AUTS2: variants seen among roughly 807,000 people sequenced by gnomAD.
The protein encoded by AUTS2 is activator of transcription and developmental regulator AUTS2, also known as autism susceptibility gene 2 protein.
In AUTS2, 17 loss-of-function variants were observed where a neutral mutation model predicts 112.4. That is an observed-to-expected ratio of 0.15 (90% CI 0.10 to 0.23). The LOEUF is 0.23. Among genes scored for constraint, AUTS2 ranks in the 10% least tolerant of loss-of-function variants. AUTS2 has a pLI of 1.00. For missense variants in AUTS2, 1,510 were observed against 1,701.6 expected (o/e 0.89, Z 1.98); for synonymous variants, 751 against 702.7 (o/e 1.07, Z -1.09).
chr7:70,725,082 A>G (rs1786948671), intron 6 of AUTS2, among the ~76,000 whole-genome samples: 1 of 152,228 alleles, frequency 6.6e-6, no homozygotes, highest in Admixed American at 6.5e-5. Context: ...CACATTTTAT[A>G]ATTTGTCTGC....
chr7:70,175,089 T>C (rs1034613513), intron 4 of AUTS2, among the ~76,000 whole-genome samples: 4 of 152,170 alleles, frequency 2.6e-5, no homozygotes, highest in African/African-American at 9.7e-5. Context: ...ATTAAGAACA[T>C]TCATGACATA....
At chr7:70,703,490 CAAAAAAA>C (rs57223380) in intron 6 of AUTS2, among the ~76,000 whole-genome samples, 1,365 of 98,614 alleles carry the variant, frequency 0.014, 21 homozygotes, top group African/African-American at 0.052. Flanking sequence ...GACACCATTT[CAAAAAAA>C]AAAAAAAAAA....
At chr7:70,270,164 C>A (rs765337355) in intron 4 of AUTS2, among the ~76,000 whole-genome samples, 139 of 152,260 alleles carry the variant, frequency 9.1e-4, no homozygotes, top group Middle Eastern at 6.8e-3. Context: ...GAAATAAATT[C>A]TTTAAGGTAG....
intron 5 of AUTS2, among the ~76,000 whole-genome samples, chr7:70,559,377 C>T (rs1193663840): frequency 4.0e-5 from 6 of 151,608 alleles, no homozygotes; most frequent in African/African-American, 1.5e-4. Flanking sequence ...CTCTGTCACC[C>T]AGGCTGGAGT....
chr7:69,801,710 A>G (rs1790092544), intron 1 of AUTS2, among the ~76,000 whole-genome samples: 1 of 152,196 alleles, frequency 6.6e-6, no homozygotes, highest in South Asian at 2.1e-4. Flanking sequence ...ATTGTTTGAT[A>G]TATGTCAGGC....
intron 4 of AUTS2, among the ~76,000 whole-genome samples, chr7:70,429,675 T>C (rs183022077): frequency 1.4e-3 from 217 of 152,308 alleles, no homozygotes; most frequent in African/African-American, 4.9e-3. Context: ...TTGGGAAACT[T>C]TTAGAGTAAC....
At chr7:70,682,461 T>G (rs1808258754) in intron 5 of AUTS2, among the ~76,000 whole-genome samples, 1 of 152,236 alleles carries the variant, frequency 6.6e-6, no homozygotes, top group African/African-American at 2.4e-5. Flanking sequence ...GCAATGATTT[T>G]TCTTATTTCA....
chr7:70,209,778 A>G (rs536490876), intron 4 of AUTS2, among the ~76,000 whole-genome samples: 1 of 152,312 alleles, frequency 6.6e-6, no homozygotes, highest in Admixed American at 6.5e-5. Context: ...ACAACCGATT[A>G]ATGAAACAAA....
intron 5 of AUTS2, among the ~76,000 whole-genome samples, chr7:70,511,627 G>A (rs377205041): frequency 1.6e-5 from 2 of 127,038 alleles, no homozygotes; most frequent in Admixed American, 9.4e-5. Context: ...CCAGGCTGGA[G>A]TGCAGTGGCA....
chr7:70,704,761 G>A (rs777896073), intron 6 of AUTS2, among the ~76,000 whole-genome samples: 3 of 152,206 alleles, frequency 2.0e-5, no homozygotes, highest in Admixed American at 6.5e-5. Flanking sequence ...TGGCTAGCCC[G>A]TGGCCTCTGG....
chr7:70,211,201 A>T (rs1314724233), intron 4 of AUTS2, among the ~76,000 whole-genome samples: 1 of 152,110 alleles, frequency 6.6e-6, no homozygotes, highest in Non-Finnish European at 1.5e-5. Context: ...TTGCTGAAGG[A>T]AGGAAATCCT....
At chr7:69,915,977 C>G (rs1228531342) in intron 2 of AUTS2, among the ~76,000 whole-genome samples, 1 of 152,144 alleles carries the variant, frequency 6.6e-6, no homozygotes, top group African/African-American at 2.4e-5. Context: ...CCTTGGCCTC[C>G]CAAAGTGCTG....
intron 4 of AUTS2, among the ~76,000 whole-genome samples, chr7:70,185,490 T>G (rs1163375353): frequency 2.0e-5 from 3 of 152,076 alleles, no homozygotes; most frequent in Non-Finnish European, 2.9e-5. Flanking sequence ...TGAGGCCACT[T>G]GTCTTATTAT....
At chr7:70,595,360 C>CT in intron 5 of AUTS2, among the ~76,000 whole-genome samples, 1 of 152,106 alleles carries the variant, frequency 6.6e-6, no homozygotes, top group East Asian at 1.9e-4. Flanking sequence ...AGCTCAGGGG[C>CT]GGGGGAGTTT....
chr7:70,109,310 A>T (rs1172327885), intron 2 of AUTS2, among the ~76,000 whole-genome samples: 2 of 152,148 alleles, frequency 1.3e-5, no homozygotes, highest in South Asian at 4.1e-4. Flanking sequence ...AAGCAATCAA[A>T]TATTCCTTCA....
intron 1 of AUTS2, among the ~76,000 whole-genome samples, chr7:69,773,228 A>T (rs1483634871): frequency 6.6e-6 from 1 of 152,170 alleles, no homozygotes; most frequent in Non-Finnish European, 1.5e-5. Context: ...TATTACAAGG[A>T]TTAAGTGAGG....
At chr7:70,130,826 C>G (rs1273562908) in intron 3 of AUTS2, among the ~76,000 whole-genome samples, 3 of 152,124 alleles carry the variant, frequency 2.0e-5, no homozygotes, top group African/African-American at 7.2e-5. Flanking sequence ...CTAAAATGTT[C>G]TCCTACTCTA....
intron 4 of AUTS2, among the ~76,000 whole-genome samples, chr7:70,323,219 G>A (rs1430386570): frequency 1.3e-5 from 2 of 152,294 alleles, no homozygotes; most frequent in African/African-American, 4.8e-5. Context: ...GTTAGCATTC[G>A]CTCAAAACAG....
intron 1 of AUTS2, among the ~76,000 whole-genome samples, chr7:69,891,336 T>A (rs1794510348): frequency 6.6e-6 from 1 of 152,236 alleles, no homozygotes. Flanking sequence ...CTGAGTAGTA[T>A]TCCATTGATT....
Sources: gnomAD v4.1 joint callset for allele counts (sites outside exome capture counted in the v4.1 genomes callset) on GRCh38, gnomAD v4.1.1 for gene constraint, MANE v1.5 for transcripts, NCBI Gene and HGNC (gene_info 2026-07-23, HGNC 2026-07-21) for gene names.